Variants in GPR158 observed in about 807,000 individuals in gnomAD.
GPR158 encodes G protein-coupled receptor 158.
A neutral mutation model predicts 78.2 loss-of-function variants in GPR158; 30 were observed. That is an observed-to-expected ratio of 0.38 (90% CI 0.29 to 0.52). The LOEUF (loss-of-function observed/expected upper bound fraction) is 0.52. GPR158 is among the 20% of genes least tolerant of loss of function. The probability of loss-of-function intolerance (pLI) is 0.83; values close to 1 mark genes in which losing one functional copy is unlikely to be tolerated. For synonymous variants in GPR158, 581 were observed against 591.1 expected (o/e 0.98, Z 0.25); for missense variants, 1,463 against 1,523.5 (o/e 0.96, Z 0.66).
At chr10:25,188,908 A>G (rs1852728703) in intron 1 of GPR158, among the ~76,000 whole-genome samples, 1 of 152,230 alleles carries the variant, frequency 6.6e-6, no homozygotes, top group South Asian at 2.1e-4. Context: ...AATATCCAGA[A>G]TCTACAAAGA....
chr10:25,245,423 A>C (rs1853676101), intron 2 of GPR158, among the ~76,000 whole-genome samples: 1 of 152,236 alleles, frequency 6.6e-6, no homozygotes, highest in African/African-American at 2.4e-5. Context: ...AAAGGATTAA[A>C]AAAAAAACTA....
At chr10:25,447,567 G>A (rs1835154327) in intron 4 of GPR158, among the ~76,000 whole-genome samples, 1 of 152,126 alleles carries the variant, frequency 6.6e-6, no homozygotes, top group South Asian at 2.1e-4. Context: ...TGAATAGGAA[G>A]CATGAAAATG....
At chr10:25,316,913 ATGTGTGTGTGTATGTGTGTG>A (rs1244103477) in intron 2 of GPR158, among the ~76,000 whole-genome samples, 2 of 79,800 alleles carry the variant, frequency 2.5e-5, no homozygotes, top group Non-Finnish European at 4.7e-5. Flanking sequence ...GTGTGTGTTT[ATGTGTGTGTGTATGTGTGTG>A]TATATATATA....
intron 5 of GPR158, among the ~76,000 whole-genome samples, chr10:25,523,756 A>G (rs1328108548): frequency 6.6e-6 from 1 of 152,224 alleles, no homozygotes; most frequent in Non-Finnish European, 1.5e-5. Flanking sequence ...CTCTAAGATC[A>G]GGAATCACAC....
At position 25,348,014 on chromosome 10, in the gene GPR158, G is replaced by T. The variant is rs144831320; in HGVS notation, c.1009-47897G>T. On this transcript the variant is annotated intron_variant, in intron 2 of 10. Coordinates refer to ENST00000376351, the MANE Select transcript of GPR158 (RefSeq NM_020752.3). ...CGGCAAATGTCTGTTGGAAGACCTTGGTTCCTACTGTAGCATGTGCACGGC... is the reference window on the plus strand; with the variant it reads ...CGGCAAATGTCTGTTGGAAGACCTTTGTTCCTACTGTAGCATGTGCACGGC... Among the ~76,000 whole-genome samples, 37 of 151,990 alleles carry T rather than the reference G, an allele frequency of 2.4e-4. No homozygotes were observed. The East Asian group carries it at 7.0e-3, about 29-fold the overall frequency.
At chr10:25,232,904 A>G (rs938581537) in intron 2 of GPR158, among the ~76,000 whole-genome samples, 1 of 152,210 alleles carries the variant, frequency 6.6e-6, no homozygotes, top group Non-Finnish European at 1.5e-5. Context: ...AGGTGTATGG[A>G]AAGTGGTAGG....
At chr10:25,190,561 G>A (rs540421180) in intron 1 of GPR158, among the ~76,000 whole-genome samples, 2 of 152,174 alleles carry the variant, frequency 1.3e-5, no homozygotes, top group South Asian at 4.2e-4. Context: ...GAACTCCCGG[G>A]CTCAAGCAAT....
chr10:25,324,828 TTTC>T (rs1216246053), intron 2 of GPR158, among the ~76,000 whole-genome samples: 16 of 117,404 alleles, frequency 1.4e-4, no homozygotes, highest in Admixed American at 1.1e-3. Context: ...TTCTTTTTTC[TTTC>T]TTTTTTTTTT....
intron 5 of GPR158, among the ~76,000 whole-genome samples, chr10:25,515,071 G>A (rs572360208): frequency 8.9e-4 from 136 of 152,138 alleles, no homozygotes; most frequent in South Asian, 1.9e-3. Context: ...CTCTAACAAG[G>A]CTGGGGAAGT....
At chr10:25,456,171 G>A (rs1444284208) in intron 4 of GPR158, among the ~76,000 whole-genome samples, 1 of 152,016 alleles carries the variant, frequency 6.6e-6, no homozygotes. Flanking sequence ...GCAAATAGGG[G>A]GCATCTGTTA....
At chr10:25,250,757 T>C (rs1352958668) in intron 2 of GPR158, among the ~76,000 whole-genome samples, 1 of 139,384 alleles carries the variant, frequency 7.2e-6, no homozygotes, top group Non-Finnish European at 1.5e-5. Flanking sequence ...TTGGAATAGG[T>C]GTGGTGTGGT....
intron 2 of GPR158, among the ~76,000 whole-genome samples, chr10:25,255,867 C>T (rs1023557932): frequency 2.0e-5 from 3 of 152,166 alleles, no homozygotes; most frequent in Admixed American, 1.3e-4. Context: ...ATCACTTAAT[C>T]ATGGCAGTAA....
intron 5 of GPR158, among the ~76,000 whole-genome samples, chr10:25,543,863 C>T (rs1836623071): frequency 6.6e-6 from 1 of 152,144 alleles, no homozygotes; most frequent in South Asian, 2.1e-4. Flanking sequence ...TTTGAAAAAA[C>T]TTCCCATGGT....
intron 2 of GPR158, among the ~76,000 whole-genome samples, chr10:25,380,066 G>T (rs1050742082): frequency 6.6e-6 from 1 of 151,984 alleles, no homozygotes; most frequent in Non-Finnish European, 1.5e-5. Context: ...GAAAAAAACT[G>T]AGTTCAGTTT....
intron 6 of GPR158, among the ~76,000 whole-genome samples, chr10:25,570,965 ATAAT>A (rs1290404497): frequency 6.6e-6 from 1 of 152,194 alleles, no homozygotes; most frequent in African/African-American, 2.4e-5. Flanking sequence ...ATAATCATGT[ATAAT>A]TATTTTATTT....
chr10:25,529,250 G>T (rs929478601), intron 5 of GPR158, among the ~76,000 whole-genome samples: 1 of 152,070 alleles, frequency 6.6e-6, no homozygotes, highest in African/African-American at 2.4e-5. Flanking sequence ...AGCCGGGCGT[G>T]GTGGCGGGCA....
At chr10:25,366,548 G>A (rs374573813) in intron 2 of GPR158, among the ~76,000 whole-genome samples, 24 of 151,742 alleles carry the variant, frequency 1.6e-4, no homozygotes, top group Middle Eastern at 3.4e-3. Flanking sequence ...ATTACCTCAC[G>A]TATATATCAT....
intron 4 of GPR158, among the ~76,000 whole-genome samples, chr10:25,446,626 T>C (rs757509156): frequency 1.4e-4 from 22 of 152,238 alleles, no homozygotes; most frequent in Non-Finnish European, 2.9e-4. Context: ...AGAAGTGCCA[T>C]TATAGTCATT....
chr10:25,546,046 G>T (rs1020177334), intron 5 of GPR158, among the ~76,000 whole-genome samples: 1 of 152,126 alleles, frequency 6.6e-6, no homozygotes, highest in African/African-American at 2.4e-5. Context: ...TCAGTCTGAG[G>T]GATGCTGGAG....
Sources: allele counts gnomAD v4.1 joint callset (sites outside exome capture counted in the v4.1 genomes callset), GRCh38; gene constraint gnomAD v4.1.1; transcripts MANE v1.5; gene names NCBI Gene and HGNC (gene_info 2026-07-23, HGNC 2026-07-21).